The following OLA1 variants were observed in gnomAD, a reference collection of about 807,000 sequenced individuals.
OLA1 encodes Obg like ATPase 1.
In OLA1, 14 loss-of-function variants were observed where a neutral mutation model predicts 48.4. The ratio of observed to expected loss-of-function variants is 0.29; its 90% CI spans 0.19 to 0.45. The LOEUF (loss-of-function observed/expected upper bound fraction) is 0.45. OLA1 is among the 20% of genes least tolerant of loss of function. OLA1 has a pLI of 1.00. For missense variants in OLA1, 325 were observed against 467.1 expected (o/e 0.70, Z 2.80); for synonymous variants, 127 against 150.4 (o/e 0.84, Z 1.14).
intron 7 of OLA1, among the ~76,000 whole-genome samples, chr2:174,100,357 G>A (rs1358975710): frequency 2.0e-5 from 3 of 152,076 alleles, no homozygotes; most frequent in Non-Finnish European, 4.4e-5. Context: ...ACCTCTCTAG[G>A]TATTTTGTAT....
chr2:174,159,377 A>G (rs1686959953), intron 4 of OLA1, among the ~76,000 whole-genome samples: 2 of 152,164 alleles, frequency 1.3e-5, no homozygotes, highest in African/African-American at 4.8e-5. Flanking sequence ...TTTTAAAATA[A>G]TAAGTTTTAG....
At chr2:174,188,970 T>A (rs1211035458) in intron 4 of OLA1, among the ~76,000 whole-genome samples, 1 of 152,166 alleles carries the variant, frequency 6.6e-6, no homozygotes, top group East Asian at 1.9e-4. Context: ...TACTATATCT[T>A]AATTATATAA....
At position 174,239,213 on chromosome 2, in the gene OLA1, G is replaced by C. The variant is rs117037034; in HGVS notation, c.101+7502C>G. On this transcript the variant is annotated intron_variant, in intron 2 of 10. Transcript: ENST00000284719. Reference sequence around the variant, plus strand: ...ATCAATAACACATGCCAAAATTAGGGGGCAAAAGTATGAGAAACAATATAT... The same window carrying C: ...ATCAATAACACATGCCAAAATTAGGCGGCAAAAGTATGAGAAACAATATAT... Among the ~76,000 whole-genome samples, 331 of 152,074 alleles carry C rather than the reference G, an allele frequency of 2.2e-3. 7 individuals carry two copies. In the East Asian group the frequency reaches 0.053, roughly 24 times the overall value.
chr2:174,193,429 C>CT (rs556499361), intron 4 of OLA1, among the ~76,000 whole-genome samples: 8 of 151,974 alleles, frequency 5.3e-5, no homozygotes, highest in East Asian at 3.9e-4. Flanking sequence ...TCCCTGAGTG[C>CT]TTTTTTTTCT....
chr2:174,233,349 C>A (rs537127579), intron 2 of OLA1, among the ~76,000 whole-genome samples: 1 of 152,226 alleles, frequency 6.6e-6, no homozygotes, highest in Admixed American at 6.5e-5. Context: ...CATTAAAAAA[C>A]GATTAAGATG....
intron 4 of OLA1, among the ~76,000 whole-genome samples, chr2:174,204,741 TA>T (rs11327056): frequency 0.53 from 80,590 of 151,492 alleles, 21,978 homozygotes; most frequent in East Asian, 0.94. Context: ...ATAATATTCA[TA>T]AAAAAAAACT....
chr2:174,211,390 C>A (rs1362346160), intron 4 of OLA1, among the ~76,000 whole-genome samples: 1 of 152,194 alleles, frequency 6.6e-6, no homozygotes, highest in African/African-American at 2.4e-5. Flanking sequence ...GGTAGAACCA[C>A]CATGATTAGC....
At chr2:174,224,850 A>T (rs79156853) in intron 3 of OLA1, among the ~76,000 whole-genome samples, 1,728 of 152,294 alleles carry the variant, frequency 0.011, 30 homozygotes, top group East Asian at 0.047. Flanking sequence ...TGATGATATC[A>T]CTGAGCTAAA....
At chr2:174,136,488 C>T (rs1385619526) in intron 5 of OLA1, among the ~76,000 whole-genome samples, 2 of 152,184 alleles carry the variant, frequency 1.3e-5, no homozygotes, top group Non-Finnish European at 2.9e-5. Context: ...GAGATTACAG[C>T]AGTTCCATCA....
At chr2:174,127,692 G>A (rs932746406) in intron 5 of OLA1, among the ~76,000 whole-genome samples, 1 of 152,016 alleles carries the variant, frequency 6.6e-6, no homozygotes, top group Admixed American at 6.6e-5. Context: ...CAAGAACCAT[G>A]GCTATTAGTG....
chr2:174,168,211 A>T (rs536777626), intron 4 of OLA1, among the ~76,000 whole-genome samples: 2 of 152,306 alleles, frequency 1.3e-5, no homozygotes, highest in East Asian at 3.9e-4. Flanking sequence ...ATGCAAAGGG[A>T]AGAGAAAGAG....
chr2:174,247,672 G>C, intron 1 of OLA1: 1 of 1,551,052 alleles, frequency 6.4e-7, no homozygotes, highest in Non-Finnish European at 8.7e-7. Flanking sequence ...ACACCCACCA[G>C]GTACTGGGGT....
At chr2:174,237,512 C>A (rs1403680687) in intron 2 of OLA1, among the ~76,000 whole-genome samples, 2 of 152,102 alleles carry the variant, frequency 1.3e-5, no homozygotes, top group Non-Finnish European at 1.5e-5. Flanking sequence ...CACAAAGAGA[C>A]TGAGGCAAAG....
chr2:174,085,268 C>T lies in OLA1; in HGVS notation c.729-3204G>A, dbSNP rs185937297. 3.9e-5 allele frequency among the ~76,000 whole-genome samples: 6 copies of T among 152,270 alleles called. No homozygotes were observed. The South Asian group carries it at 8.3e-4, about 21-fold the overall frequency. ...TCAACCCCTGGACTGTGGACTGGTA[C>T]CAGGCCATGGCCTGTTAGGAATCAG... is the stretch of plus-strand genomic sequence containing the variant. On this transcript the variant is annotated intron_variant, in intron 7 of 10. Transcript: ENST00000284719.
intron 4 of OLA1, among the ~76,000 whole-genome samples, chr2:174,214,159 C>T (rs1350932528): frequency 6.6e-6 from 1 of 151,806 alleles, no homozygotes; most frequent in African/African-American, 2.4e-5. Context: ...ATGGTAAAAC[C>T]CCGTCTCTAC....
chr2:174,139,540 G>T (rs1574503240), intron 5 of OLA1, among the ~76,000 whole-genome samples: 1 of 152,164 alleles, frequency 6.6e-6, no homozygotes, highest in Non-Finnish European at 1.5e-5. Flanking sequence ...TTTAGTGCCT[G>T]GGTTTTACTT....
chr2:174,117,443 G>A (rs1307879898), intron 7 of OLA1, among the ~76,000 whole-genome samples: 1 of 152,108 alleles, frequency 6.6e-6, no homozygotes, highest in African/African-American at 2.4e-5. Context: ...CCAACTCCTT[G>A]ATAGTTTCTA....
chr2:174,089,513 AG>A (rs1218240419), intron 7 of OLA1, among the ~76,000 whole-genome samples: 1 of 152,204 alleles, frequency 6.6e-6, no homozygotes, highest in Non-Finnish European at 1.5e-5. Context: ...CCAAAATTTC[AG>A]GAAGTATAAG....
At chr2:174,144,947 AAAAAATATAT>A (rs1234281354) in intron 4 of OLA1, among the ~76,000 whole-genome samples, 3 of 64,816 alleles carry the variant, frequency 4.6e-5, no homozygotes, top group Admixed American at 4.7e-4. Context: ...AAAAAAAAAA[AAAAAATATAT>A]ATATATATAT....
Sources: allele counts gnomAD v4.1 joint callset (sites outside exome capture counted in the v4.1 genomes callset), GRCh38; gene constraint gnomAD v4.1.1; transcripts MANE v1.5; gene names NCBI Gene and HGNC (gene_info 2026-07-23, HGNC 2026-07-21).